Variants in LIN52 observed in about 807,000 individuals in gnomAD.
The protein encoded by LIN52 is protein lin-52 homolog.
A neutral mutation model predicts 18.5 loss-of-function variants in LIN52; 4 were observed. The observed-to-expected ratio is 0.22, with a 90% CI of 0.11 to 0.49. LIN52 has a LOEUF of 0.49. LIN52 is among the 20% of genes least tolerant of loss of function. LIN52 has a pLI of 0.97. For synonymous variants in LIN52, 34 were observed against 45.5 expected (o/e 0.75, Z 1.02); for missense variants, 102 against 139.5 (o/e 0.73, Z 1.35).
intron 5 of LIN52, among the ~76,000 whole-genome samples, chr14:74,160,456 T>C (rs2061219431): frequency 1.3e-5 from 2 of 152,218 alleles, no homozygotes; most frequent in South Asian, 4.1e-4. Flanking sequence ...AGCCTAGATT[T>C]AAAAACCTTT....
At chr14:74,126,338 G>A (rs147242612) in intron 5 of LIN52, among the ~76,000 whole-genome samples, 1 of 152,162 alleles carries the variant, frequency 6.6e-6, no homozygotes, top group Admixed American at 6.5e-5. Context: ...TCTTCAAAAG[G>A]TTAAAAGGTA....
intron 5 of LIN52, among the ~76,000 whole-genome samples, chr14:74,168,684 A>G: frequency 6.6e-6 from 1 of 151,836 alleles, no homozygotes; most frequent in Non-Finnish European, 1.5e-5. Context: ...AAAAAAGAAA[A>G]ATTAACCAGC....
chr14:74,151,002 C>T (rs1225807016), intron 5 of LIN52, among the ~76,000 whole-genome samples: 1 of 152,188 alleles, frequency 6.6e-6, no homozygotes, highest in East Asian at 1.9e-4. Flanking sequence ...TGAATGTACA[C>T]AACCTTTTCT....
chr14:74,133,729 T>C (rs997689001), intron 5 of LIN52, among the ~76,000 whole-genome samples: 9 of 152,204 alleles, frequency 5.9e-5, no homozygotes, highest in Non-Finnish European at 1.3e-4. Flanking sequence ...AGCTCCACTT[T>C]CTCATTTTAA....
intron 5 of LIN52, among the ~76,000 whole-genome samples, chr14:74,193,556 A>G (rs1431977886): frequency 1.3e-5 from 2 of 152,222 alleles, no homozygotes; most frequent in East Asian, 3.8e-4. Flanking sequence ...AAGTAGGGAT[A>G]AGTTACTCTA....
At chr14:74,149,324 A>G (rs2061166441) in intron 5 of LIN52, among the ~76,000 whole-genome samples, 1 of 152,196 alleles carries the variant, frequency 6.6e-6, no homozygotes, top group Admixed American at 6.5e-5. Context: ...TCACTTTTGT[A>G]GTGGATATTT....
chr14:74,177,365 G>A (rs544907312), intron 5 of LIN52, among the ~76,000 whole-genome samples: 176 of 152,174 alleles, frequency 1.2e-3, no homozygotes, highest in Non-Finnish European at 2.2e-3. Flanking sequence ...TTGTGTCATC[G>A]TTTTCAGCTT....
At chr14:74,101,309 G>A (rs963723107) in intron 5 of LIN52, 71 bp downstream of exon 5, 13 of 1,025,264 alleles carry the variant, frequency 1.3e-5, no homozygotes, top group Middle Eastern at 2.6e-4. Flanking sequence ...CTGAGCTCAG[G>A]TATTCCACCC....
chr14:74,113,052 T>C (rs2060939524), intron 5 of LIN52, among the ~76,000 whole-genome samples: 1 of 152,156 alleles, frequency 6.6e-6, no homozygotes, highest in African/African-American at 2.4e-5. Flanking sequence ...ATGTCTGTTA[T>C]AGACAAGGGA....
At chr14:74,137,396 C>T (rs1449540040) in intron 5 of LIN52, among the ~76,000 whole-genome samples, 1 of 151,456 alleles carries the variant, frequency 6.6e-6, no homozygotes, top group Non-Finnish European at 1.5e-5. Flanking sequence ...TCTTGTGTAG[C>T]ATTTTTATTA....
intron 5 of LIN52, among the ~76,000 whole-genome samples, chr14:74,198,099 T>A (rs1944076227): frequency 6.6e-6 from 1 of 152,186 alleles, no homozygotes; most frequent in South Asian, 2.1e-4. Context: ...TCTGAAAACA[T>A]GGCCTTGCAG....
At chr14:74,087,276 C>A (rs1042207490) in intron 1 of LIN52, among the ~76,000 whole-genome samples, 1 of 151,796 alleles carries the variant, frequency 6.6e-6, no homozygotes, top group Non-Finnish European at 1.5e-5. Flanking sequence ...ATTAGCCAGG[C>A]GTGGTGGTGG....
Position 74,138,883 on chromosome 14 carries a change from G to A in LIN52, c.283+37645G>A, listed in dbSNP as rs377179273. 1.9e-3 allele frequency among the ~76,000 whole-genome samples: 291 copies of A among 151,416 alleles called. 2 individuals carry two copies. Among genetic ancestry groups the A allele is most frequent in the African/African-American group, 6.7e-3 (278 of 41,280 alleles). ...TATAGTCTGTTAATTATGATAAAGTGCAACCATATATAACAGGAAATCTAA... is the reference window on the plus strand; with the variant it reads ...TATAGTCTGTTAATTATGATAAAGTACAACCATATATAACAGGAAATCTAA... On this transcript the variant is annotated intron_variant, in intron 5 of 5. Transcript: ENST00000555028.
intron 5 of LIN52, among the ~76,000 whole-genome samples, chr14:74,126,708 A>C (rs989983638): frequency 6.6e-6 from 1 of 152,334 alleles, no homozygotes; most frequent in African/African-American, 2.4e-5. Flanking sequence ...GAAAAGGCAG[A>C]TTGGTGGTTC....
intron 5 of LIN52, among the ~76,000 whole-genome samples, chr14:74,133,154 G>C (rs1033370251): frequency 1.3e-5 from 2 of 152,144 alleles, no homozygotes; most frequent in Non-Finnish European, 2.9e-5. Context: ...CTCTTGATTT[G>C]GTCCAGTTAT....
At position 74,200,581 on chromosome 14, in the gene LIN52, G is replaced by A. The variant is rs1387429378; in HGVS notation, c.*1604G>A. The A allele has an allele frequency of 2.0e-5, 3 of 152,086 alleles. No homozygotes were observed. The highest frequency in any genetic ancestry group is 7.2e-5 in the African/African-American group (3 of 41,404). 9.4% of individuals were successfully genotyped at this position (152,086 alleles called of 1,614,324 possible). A position where few individuals can be genotyped will look rare whatever the true frequency, so the allele number is the denominator to read the frequency against. On this transcript the variant is annotated 3_prime_UTR_variant, in exon 6 of 6. Transcript: ENST00000555028. ...AAACCTTTTCTGACATTTGTGCCTT[G>A]TTCTCATGCTAGAATTAATGCTGGA... is the stretch of plus-strand genomic sequence containing the variant.
At chr14:74,125,127 C>T (rs2061021422) in intron 5 of LIN52, among the ~76,000 whole-genome samples, 1 of 152,090 alleles carries the variant, frequency 6.6e-6, no homozygotes. Context: ...TGGGTATATA[C>T]CCAGTAATGG....
At chr14:74,113,970 CTTTT>C in intron 5 of LIN52, 1 of 170,936 alleles carries the variant, frequency 5.9e-6, no homozygotes, top group Non-Finnish European at 1.1e-5. Context: ...TCTTTCTTTT[CTTTT>C]TTTTTTCTTT....
intron 5 of LIN52, among the ~76,000 whole-genome samples, chr14:74,166,260 A>G (rs1163195416): frequency 6.6e-6 from 1 of 151,530 alleles, no homozygotes; most frequent in African/African-American, 2.4e-5. Context: ...CTCGTTGCCC[A>G]GGTTGGAGTG....
Sources: allele counts gnomAD v4.1 joint callset (sites outside exome capture counted in the v4.1 genomes callset), GRCh38; gene constraint gnomAD v4.1.1; transcripts MANE v1.5; gene names NCBI Gene and HGNC (gene_info 2026-07-23, HGNC 2026-07-21).